Variants in SNX9 observed in about 807,000 individuals in gnomAD.
SNX9 encodes the protein sorting nexin-9.
Under a neutral mutation model 89.4 loss-of-function variants are expected in SNX9, and 44 were observed. That is an observed-to-expected ratio of 0.49 (90% CI 0.39 to 0.63). The LOEUF (loss-of-function observed/expected upper bound fraction) is 0.63, where lower values mean the gene tolerates loss of function less well. Among genes scored for constraint, SNX9 ranks in the 30% least tolerant of loss-of-function variants. SNX9 has a pLI of 0.00. For missense variants in SNX9, 578 were observed against 736.1 expected, an observed-to-expected ratio of 0.79 and a Z score of 2.49; for synonymous variants, 236 against 247.8, an observed-to-expected ratio of 0.95 and a Z score of 0.45.
At chr6:157,937,104 A>G (rs1354873946) in intron 14 of SNX9, among the ~76,000 whole-genome samples, 6 of 152,262 alleles carry the variant, frequency 3.9e-5, no homozygotes, top group Non-Finnish European at 7.3e-5. Flanking sequence ...TTTAGAAGTT[A>G]AACTACAACA....
Position 157,893,547 on chromosome 6 carries a change from A to G in SNX9, c.301-3280A>G, listed in dbSNP as rs927882291. On this transcript the variant is annotated intron_variant, in intron 4 of 17. Coordinates refer to ENST00000392185, the MANE Select transcript of SNX9 (RefSeq NM_016224.5). ...TCTGTCCTACAACATTAGGGGCTAT[A>G]TTAGACAGGGTGGGTAATTTTCTTG... Among the ~76,000 whole-genome samples, 8 of 152,150 alleles carry G rather than the reference A, an allele frequency of 5.3e-5. No individual in the cohort carries two copies. In the East Asian group the frequency reaches 1.2e-3, roughly 22 times the overall value.
intron 2 of SNX9, among the ~76,000 whole-genome samples, chr6:157,869,037 C>T (rs1283020082): frequency 6.6e-6 from 1 of 152,204 alleles, no homozygotes; most frequent in Non-Finnish European, 1.5e-5. Flanking sequence ...GAAACCTGGC[C>T]CTTGCCCTGT....
intron 1 of SNX9, among the ~76,000 whole-genome samples, chr6:157,862,777 T>C (rs893795762): frequency 1.3e-5 from 2 of 152,214 alleles, no homozygotes; most frequent in Non-Finnish European, 2.9e-5. Flanking sequence ...GCTTAATAAA[T>C]ACAGGTAGTT....
rs530660271 is a variant in SNX9, at chr6:157,867,427, A to G, written c.13-120A>G. ...TGGTAATGTCTTCCTTTCTTCCAAAACAGCCACAGCCACTATCATGTTTGT... is the reference window on the plus strand; with the variant it reads ...TGGTAATGTCTTCCTTTCTTCCAAAGCAGCCACAGCCACTATCATGTTTGT... On this transcript the variant is annotated intron_variant, in intron 1 of 17. Coordinates refer to ENST00000392185, the MANE Select transcript of SNX9 (RefSeq NM_016224.5). The G allele has an allele frequency of 2.1e-4, 146 of 709,204 alleles. 1 individual carries two copies. The African/African-American group carries it at 2.2e-3, about 11-fold the overall frequency. The allele number at this position is 709,204 out of a possible 1,614,324, so 43.9% of individuals were successfully genotyped here.
At chr6:157,876,531 C>T (rs1203988631) in intron 4 of SNX9, among the ~76,000 whole-genome samples, 1 of 152,224 alleles carries the variant, frequency 6.6e-6, no homozygotes, top group Non-Finnish European at 1.5e-5. Context: ...TTATACATTT[C>T]AAAACAGCTT....
chr6:157,878,359 C>G (rs1782557632), intron 4 of SNX9, among the ~76,000 whole-genome samples: 1 of 151,706 alleles, frequency 6.6e-6, no homozygotes, highest in Admixed American at 6.6e-5. Flanking sequence ...AATTATAAAG[C>G]TGTTTATTAA....
At chr6:157,863,283 A>G (rs1027907570) in intron 1 of SNX9, among the ~76,000 whole-genome samples, 1 of 152,248 alleles carries the variant, frequency 6.6e-6, no homozygotes, top group Non-Finnish European at 1.5e-5. Flanking sequence ...TGTGTTAAGA[A>G]TGGATTATGC....
chr6:157,827,515 A>ATATAT (rs11282507), intron 1 of SNX9, among the ~76,000 whole-genome samples: 388 of 5,754 alleles, frequency 0.067, 136 homozygotes, highest in African/African-American at 0.12. Context: ...ATATATAAAC[A>ATATAT]TATAGTTTAT....
At chr6:157,834,585 G>T (rs142626617) in intron 1 of SNX9, among the ~76,000 whole-genome samples, 1 of 151,806 alleles carries the variant, frequency 6.6e-6, no homozygotes, top group African/African-American at 2.4e-5. Context: ...AAACTCCTAG[G>T]CTCAAACGAT....
intron 4 of SNX9, 75 bp downstream of exon 4, chr6:157,875,251 C>T: frequency 6.7e-7 from 1 of 1,494,818 alleles, no homozygotes; most frequent in South Asian, 1.4e-5. Flanking sequence ...GCTTGTGATG[C>T]ATTATAGCTA....
chr6:157,911,410 G>T (rs750690221), intron 9 of SNX9, among the ~76,000 whole-genome samples: 8 of 152,170 alleles, frequency 5.3e-5, no homozygotes, highest in Non-Finnish European at 1.0e-4. Context: ...CACTGCACTC[G>T]CAAGAGTCGA....
intron 1 of SNX9, among the ~76,000 whole-genome samples, chr6:157,824,512 A>AT (rs1243325575): frequency 6.6e-6 from 1 of 152,088 alleles, no homozygotes; most frequent in Non-Finnish European, 1.5e-5. Flanking sequence ...TAGAAACGTT[A>AT]TTTTTTATTT....
chr6:157,858,340 G>A (rs1482461012), intron 1 of SNX9, among the ~76,000 whole-genome samples: 5 of 150,742 alleles, frequency 3.3e-5, no homozygotes, highest in Admixed American at 3.3e-4. Flanking sequence ...TCCACCACCC[G>A]GGTTCAAGTG....
intron 1 of SNX9, among the ~76,000 whole-genome samples, chr6:157,858,769 A>G (rs767626666): frequency 6.6e-6 from 1 of 152,178 alleles, no homozygotes; most frequent in Non-Finnish European, 1.5e-5. Context: ...AAGCAAAGGG[A>G]CATCTTACAT....
intron 10 of SNX9, among the ~76,000 whole-genome samples, chr6:157,922,206 T>G (rs1426978086): frequency 2.6e-5 from 4 of 152,206 alleles, no homozygotes; most frequent in Non-Finnish European, 5.9e-5. Flanking sequence ...TGTTCTTCAT[T>G]AAAATCAAGG....
At chr6:157,825,513 T>A (rs1781326605) in intron 1 of SNX9, among the ~76,000 whole-genome samples, 1 of 152,198 alleles carries the variant, frequency 6.6e-6, no homozygotes, top group African/African-American at 2.4e-5. Context: ...GTGTCTTTGA[T>A]TAAACACGAG....
At chr6:157,858,816 C>T (rs1022051725) in intron 1 of SNX9, among the ~76,000 whole-genome samples, 1 of 152,110 alleles carries the variant, frequency 6.6e-6, no homozygotes, top group Non-Finnish European at 1.5e-5. Context: ...GGGGACTCCC[C>T]TTTATAAAAC....
intron 15 of SNX9, among the ~76,000 whole-genome samples, chr6:157,938,032 T>C (rs6455918): frequency 0.22 from 32,991 of 152,242 alleles, 3,655 homozygotes; most frequent in Non-Finnish European, 0.23. Flanking sequence ...GGAGCCTAAT[T>C]AATGCATGAG....
intron 9 of SNX9, among the ~76,000 whole-genome samples, chr6:157,916,286 G>T (rs1399639728): frequency 1.3e-5 from 2 of 152,054 alleles, no homozygotes; most frequent in East Asian, 3.9e-4. Context: ...CACCCGCCTC[G>T]GCCTCCCAAA....
Sources: gnomAD v4.1 joint callset for allele counts (sites outside exome capture counted in the v4.1 genomes callset) on GRCh38, gnomAD v4.1.1 for gene constraint, MANE v1.5 for transcripts, NCBI Gene and HGNC (gene_info 2026-07-23, HGNC 2026-07-21) for gene names.